Variants in SOX5 observed in about 807,000 individuals in gnomAD.
SOX5 encodes SRY-box transcription factor 5.
In SOX5, 9 loss-of-function variants were observed where a neutral mutation model predicts 92.0. The observed-to-expected ratio is 0.10, with a 90% CI of 0.06 to 0.17. The LOEUF is 0.17. Among genes scored for constraint, SOX5 ranks in the 10% least tolerant of loss-of-function variants. The pLI is 1.00. For synonymous variants in SOX5, 344 were observed against 336.3 expected, an observed-to-expected ratio of 1.02 and a Z score of -0.25; for missense variants, 642 against 944.5, an observed-to-expected ratio of 0.68 and a Z score of 4.20.
At chr12:23,960,933 C>A (rs958254531) in intron 4 of SOX5, among the ~76,000 whole-genome samples, 4 of 151,920 alleles carry the variant, frequency 2.6e-5, no homozygotes, top group African/African-American at 9.7e-5. Flanking sequence ...ATATTTTGAA[C>A]TTTTTATATA....
chr12:23,777,676 G>T (rs1213071119), intron 3 of SOX5, among the ~76,000 whole-genome samples: 4 of 151,838 alleles, frequency 2.6e-5, no homozygotes, highest in Admixed American at 6.6e-5. Flanking sequence ...TAAGCAAAAA[G>T]ATCCCTTTCA....
At chr12:24,099,462 T>C (rs1299989675) in intron 4 of SOX5, among the ~76,000 whole-genome samples, 1 of 152,194 alleles carries the variant, frequency 6.6e-6, no homozygotes, top group East Asian at 1.9e-4. Flanking sequence ...TGAATTCGGA[T>C]GAAGGAGCTA....
chr12:24,111,773 A>T (rs1469777203), intron 4 of SOX5, among the ~76,000 whole-genome samples: 1 of 152,228 alleles, frequency 6.6e-6, no homozygotes, highest in Non-Finnish European at 1.5e-5. Context: ...GTGATGACTC[A>T]TGAGGCCCTC....
At chr12:24,451,580 T>C (rs1596811127) in intron 1 of SOX5, among the ~76,000 whole-genome samples, 1 of 152,178 alleles carries the variant, frequency 6.6e-6, no homozygotes, top group East Asian at 1.9e-4. Flanking sequence ...AATCATCTTT[T>C]TAAAAAAATG....
At chr12:24,202,027 G>C (rs1957566024) in intron 4 of SOX5, among the ~76,000 whole-genome samples, 1 of 152,140 alleles carries the variant, frequency 6.6e-6, no homozygotes, top group African/African-American at 2.4e-5. Context: ...CTCCATACTT[G>C]ACATCTCTGC....
At chr12:24,028,071 T>A (rs895871176) in intron 4 of SOX5, among the ~76,000 whole-genome samples, 1 of 152,028 alleles carries the variant, frequency 6.6e-6, no homozygotes, top group Non-Finnish European at 1.5e-5. Context: ...ATTCTATGAC[T>A]TCTGTGGTTT....
At chr12:24,553,885 A>T (rs753875666) in intron 1 of SOX5, among the ~76,000 whole-genome samples, 6 of 152,390 alleles carry the variant, frequency 3.9e-5, no homozygotes, top group Non-Finnish European at 7.3e-5. Flanking sequence ...TTTCATATGC[A>T]TGAAAATTAT....
chr12:24,227,949 T>C (rs1279224560), intron 3 of SOX5: 1 of 152,230 alleles, frequency 6.6e-6, no homozygotes, highest in Non-Finnish European at 1.5e-5. Context: ...CATAATAATA[T>C]GCATACATAC....
intron 1 of SOX5, among the ~76,000 whole-genome samples, chr12:24,387,667 A>G (rs981373717): frequency 6.6e-6 from 1 of 152,174 alleles, no homozygotes; most frequent in Non-Finnish European, 1.5e-5. Context: ...TCTTACAGGG[A>G]ATATTAAGGC....
chr12:24,017,009 AAAT>A (rs1953709710), intron 4 of SOX5, among the ~76,000 whole-genome samples: 1 of 152,202 alleles, frequency 6.6e-6, no homozygotes, highest in Admixed American at 6.5e-5. Context: ...TAGTCGGTGG[AAAT>A]AATAAAAAGG....
At chr12:24,100,702 T>C (rs1276931739) in intron 4 of SOX5, among the ~76,000 whole-genome samples, 1 of 152,154 alleles carries the variant, frequency 6.6e-6, no homozygotes, top group Non-Finnish European at 1.5e-5. Context: ...CTTGACATCT[T>C]GGCTTTGATA....
intron 6 of SOX5, among the ~76,000 whole-genome samples, chr12:23,694,784 A>G (rs560583718): frequency 2.0e-5 from 3 of 152,202 alleles, no homozygotes; most frequent in South Asian, 4.1e-4. Context: ...ATCGTATATG[A>G]TATTTTTTCT....
At chr12:24,108,284 G>A (rs886706943) in intron 4 of SOX5, among the ~76,000 whole-genome samples, 1 of 151,894 alleles carries the variant, frequency 6.6e-6, no homozygotes, top group Non-Finnish European at 1.5e-5. Flanking sequence ...ATTGTTTGTG[G>A]ATGTTTTTTG....
At chr12:24,512,508 A>G (rs558271369) in intron 1 of SOX5, among the ~76,000 whole-genome samples, 105 of 152,360 alleles carry the variant, frequency 6.9e-4, no homozygotes, top group African/African-American at 2.5e-3. Flanking sequence ...AATGAAGACA[A>G]TGTAGATATA....
At chr12:24,026,647 C>A (rs1954921324) in intron 4 of SOX5, among the ~76,000 whole-genome samples, 1 of 148,526 alleles carries the variant, frequency 6.7e-6, no homozygotes, top group African/African-American at 2.5e-5. Flanking sequence ...GTGGCACACA[C>A]CTGACCCTGT....
Position 24,342,421 on chromosome 12 carries a change from C to A in SOX5, c.-174+26142G>T, listed in dbSNP as rs567765268. On this transcript the variant is annotated intron_variant, in intron 2 of 4. Coordinates refer to the SOX5 transcript ENST00000446891. ...TCTCTCCATCTGGATATCCTACATGCAATACAAATATATTCTATCACCAAA... is the reference window on the plus strand; with the variant it reads ...TCTCTCCATCTGGATATCCTACATGAAATACAAATATATTCTATCACCAAA... Among the ~76,000 whole-genome samples, 64 of 152,316 alleles carry A rather than the reference C, an allele frequency of 4.2e-4. 1 individual carries two copies. The highest frequency in any genetic ancestry group is 1.4e-3 in the African/African-American group (59 of 41,588).
chr12:23,615,530 C>T (rs2076452529), intron 8 of SOX5, among the ~76,000 whole-genome samples: 1 of 152,084 alleles, frequency 6.6e-6, no homozygotes, highest in African/African-American at 2.4e-5. Context: ...GCCCCAGTGA[C>T]TCTTGTTCCC....
chr12:24,016,633 CA>C (rs1953647600), intron 4 of SOX5, among the ~76,000 whole-genome samples: 1 of 152,160 alleles, frequency 6.6e-6, no homozygotes, highest in South Asian at 2.1e-4. Context: ...ATAACATTTG[CA>C]GAAACGCAAA....
intron 2 of SOX5, among the ~76,000 whole-genome samples, chr12:24,353,645 C>A (rs1270848900): frequency 6.8e-6 from 1 of 147,416 alleles, no homozygotes; most frequent in African/African-American, 2.5e-5. Context: ...CATTATTATT[C>A]TTTTTTTTTT....
Sources: allele counts gnomAD v4.1 joint callset (sites outside exome capture counted in the v4.1 genomes callset), GRCh38; gene constraint gnomAD v4.1.1; transcripts MANE v1.5; gene names NCBI Gene and HGNC (gene_info 2026-07-23, HGNC 2026-07-21).